The following TYW1 variants were observed in gnomAD, a reference collection of about 807,000 sequenced individuals.
The protein encoded by TYW1 is S-adenosyl-L-methionine-dependent tRNA 4-demethylwyosine synthase TYW1.
In TYW1, 46 loss-of-function variants were observed where a neutral mutation model predicts 96.2. That is an observed-to-expected ratio of 0.48 (90% CI 0.38 to 0.61). The LOEUF (loss-of-function observed/expected upper bound fraction) is 0.61, where lower values mean the gene tolerates loss of function less well. Among genes scored for constraint, TYW1 ranks in the 20% least tolerant of loss-of-function variants. The pLI, the probability that TYW1 is intolerant of heterozygous loss-of-function variation, is 0.00. For synonymous variants in TYW1, 274 were observed against 323.0 expected (o/e 0.85, Z 1.63); for missense variants, 684 against 909.6 (o/e 0.75, Z 3.19).
intron 6 of TYW1, among the ~76,000 whole-genome samples, chr7:67,023,234 C>T (rs1386473359): frequency 6.6e-6 from 1 of 151,894 alleles, no homozygotes; most frequent in Non-Finnish European, 1.5e-5. Flanking sequence ...GTAGTTGGGA[C>T]TACAGGCGCA....
At chr7:67,062,409 GA>G (rs147475933) in intron 9 of TYW1, among the ~76,000 whole-genome samples, 16,653 of 142,704 alleles carry the variant, frequency 0.12, 965 homozygotes, top group Middle Eastern at 0.16. Flanking sequence ...TGTCTTAAAA[GA>G]AAAAAAAAAA....
intron 15 of TYW1, among the ~76,000 whole-genome samples, chr7:67,236,527 A>G (rs1323375490): frequency 6.6e-6 from 1 of 152,234 alleles, no homozygotes; most frequent in African/African-American, 2.4e-5. Flanking sequence ...CCTGGGAATG[A>G]CAGTGATTGC....
At chr7:66,998,673 C>A (rs779937845) in intron 2 of TYW1, 144 bp from the exon 3 acceptor site, 118 of 983,678 alleles carry the variant, frequency 1.2e-4, no homozygotes, top group Non-Finnish European at 1.7e-4. Context: ...TTGAGGAATA[C>A]AACCAGAAAG....
At chr7:67,167,249 C>A (rs1799366167) in intron 13 of TYW1, among the ~76,000 whole-genome samples, 1 of 152,122 alleles carries the variant, frequency 6.6e-6, no homozygotes, top group Admixed American at 6.6e-5. Flanking sequence ...GCGGTTGGAT[C>A]ATGAGGTCAG....
intron 15 of TYW1, 57 bp from the exon 16 acceptor site, chr7:67,238,251 A>AT (rs201456718): frequency 0.23 from 329,545 of 1,456,958 alleles, 23,403 homozygotes; most frequent in African/African-American, 0.35. Flanking sequence ...AAAAACATTC[A>AT]TTTTTTTTTT....
In TYW1 at chr7:67,051,148, G is replaced by C. The variant is rs138007838; in HGVS notation, c.1102+1082G>C. Among the ~76,000 whole-genome samples, 716 of 152,186 alleles carry C rather than the reference G, an allele frequency of 4.7e-3. 6 individuals carry two copies. The highest frequency in any genetic ancestry group is 0.016 in the African/African-American group (665 of 41,524). ...GCCTCCCAAAGTGCTGGGATTACAGGTGTGAGCCACTGCACCTGGCCTACA... is the reference window on the plus strand; with the variant it reads ...GCCTCCCAAAGTGCTGGGATTACAGCTGTGAGCCACTGCACCTGGCCTACA... On this transcript the variant is annotated intron_variant, in intron 8 of 15. Transcript: ENST00000359626.
chr7:67,213,019 G>GTACC (rs1554394730), intron 15 of TYW1, among the ~76,000 whole-genome samples: 2 of 151,570 alleles, frequency 1.3e-5, no homozygotes, highest in African/African-American at 4.9e-5. Flanking sequence ...GGGATTACAG[G>GTACC]TGCCACCACA....
intron 6 of TYW1, among the ~76,000 whole-genome samples, chr7:67,023,381 G>A (rs1444788099): frequency 6.6e-6 from 1 of 152,108 alleles, no homozygotes; most frequent in African/African-American, 2.4e-5. Context: ...ACAGGAGTGA[G>A]CCACTGTGTC....
intron 9 of TYW1, among the ~76,000 whole-genome samples, chr7:67,063,492 A>G (rs1215781002): frequency 6.6e-6 from 1 of 151,918 alleles, no homozygotes. Flanking sequence ...CTTGTTTTGC[A>G]GGTGACGTGA....
At chr7:67,142,552 C>T (rs1310005556) in intron 13 of TYW1, among the ~76,000 whole-genome samples, 2 of 152,112 alleles carry the variant, frequency 1.3e-5, no homozygotes, top group Non-Finnish European at 2.9e-5. Flanking sequence ...CCTCAGCTTC[C>T]CAAGTAGCTG....
chr7:67,233,350 C>T lies in TYW1; in HGVS notation c.1978-4958C>T, dbSNP rs2949137. On this transcript the variant is annotated intron_variant, in intron 15 of 15. Coordinates refer to ENST00000359626, the MANE Select transcript of TYW1 (RefSeq NM_018264.4). ...AACCTATGCCATTATTATTGTTTAG[C>T]GAAATTCTCCCTGTGTGAAAGAGGA... Among the ~76,000 whole-genome samples, 29 of 135,724 alleles carry T rather than the reference C, an allele frequency of 2.1e-4. 6 individuals are homozygous for T. The highest frequency in any genetic ancestry group is 6.5e-4 in the African/African-American group (22 of 33,982). 89.0% of individuals were successfully genotyped at this position (135,724 alleles called of 152,430 possible).
intron 7 of TYW1, among the ~76,000 whole-genome samples, chr7:67,035,363 G>A (rs750504243): frequency 9.2e-5 from 14 of 152,070 alleles, no homozygotes; most frequent in Admixed American, 3.9e-4. Context: ...ATGATCACCC[G>A]CCTCGGTCTC....
chr7:67,034,905 CAA>C (rs548037229), intron 7 of TYW1, among the ~76,000 whole-genome samples: 166 of 152,234 alleles, frequency 1.1e-3, no homozygotes, highest in African/African-American at 3.9e-3. Flanking sequence ...GTGAAAGTTG[CAA>C]AGAGTTTCCC....
At chr7:67,083,348 A>T (rs13309236) in intron 10 of TYW1, 82 bp from the exon 11 acceptor site, 3 of 1,408,470 alleles carry the variant, frequency 2.1e-6, no homozygotes, top group Non-Finnish European at 3.0e-6. Flanking sequence ...TGTGATTTTT[A>T]AAAATGGATG....
At chr7:67,217,605 C>A (rs1411749583) in intron 15 of TYW1, among the ~76,000 whole-genome samples, 1 of 152,084 alleles carries the variant, frequency 6.6e-6, no homozygotes, top group Non-Finnish European at 1.5e-5. Flanking sequence ...CATTGTTCTA[C>A]ATGTCTGTCT....
chr7:67,143,410 A>T (rs946963313), intron 13 of TYW1, among the ~76,000 whole-genome samples: 9 of 152,260 alleles, frequency 5.9e-5, no homozygotes, highest in African/African-American at 2.2e-4. Context: ...TATTTAATGC[A>T]TACTTTATTC....
chr7:67,211,502 G>C (rs1406273226), intron 15 of TYW1, among the ~76,000 whole-genome samples: 1 of 152,136 alleles, frequency 6.6e-6, no homozygotes, highest in African/African-American at 2.4e-5. Flanking sequence ...CAAGCTCTGG[G>C]GAAGGTATGC....
rs1321120649 is a variant in TYW1 at position 67,142,460 on chromosome 7, G to A, written c.1698+24842G>A. 2.0e-5 allele frequency among the ~76,000 whole-genome samples: 3 copies of A among 151,460 alleles called. No homozygotes were observed. In the East Asian group the frequency reaches 5.9e-4, roughly 30 times the overall value. On this transcript the variant is annotated intron_variant, in intron 13 of 15. Coordinates refer to ENST00000359626, the MANE Select transcript of TYW1 (RefSeq NM_018264.4). The stretch of plus-strand genomic sequence containing the variant: ...AATTTTTTTTTCGAGACAGAGCCTC[G>A]CTCTGTCACCCAGTCTGGAGTGCAG...
chr7:67,217,993 G>C (rs1801257422), intron 15 of TYW1, among the ~76,000 whole-genome samples: 1 of 151,170 alleles, frequency 6.6e-6, no homozygotes, highest in Admixed American at 6.6e-5. Context: ...CAAGTAGCTG[G>C]GATTACAGGC....
Sources: allele counts gnomAD v4.1 joint callset (sites outside exome capture counted in the v4.1 genomes callset), GRCh38; gene constraint gnomAD v4.1.1; transcripts MANE v1.5; gene names NCBI Gene and HGNC (gene_info 2026-07-23, HGNC 2026-07-21).